The following TENM4 variants were observed in gnomAD, a reference collection of about 807,000 sequenced individuals.
TENM4 encodes the protein teneurin-4.
In TENM4, 82 loss-of-function variants were observed where a neutral mutation model predicts 243.3. The ratio of observed to expected loss-of-function variants is 0.34; its 90% CI spans 0.28 to 0.40. The LOEUF (loss-of-function observed/expected upper bound fraction) is 0.40, where lower values mean the gene tolerates loss of function less well. TENM4 is among the 10% of genes least tolerant of loss of function. TENM4 has a pLI of 1.00. For missense variants in TENM4, 3,138 were observed against 3,673.3 expected, an observed-to-expected ratio of 0.85 and a Z score of 3.77; for synonymous variants, 1,412 against 1,456.3, an observed-to-expected ratio of 0.97 and a Z score of 0.69.
chr11:78,844,695 C>T (rs1446904902), intron 12 of TENM4, among the ~76,000 whole-genome samples: 4 of 151,722 alleles, frequency 2.6e-5, no homozygotes, highest in Non-Finnish European at 4.4e-5. Context: ...CATATATACA[C>T]AGAGAAAAGC....
At chr11:79,164,025 G>GTA (rs1466473135) in intron 3 of TENM4, among the ~76,000 whole-genome samples, 29 of 18,026 alleles carry the variant, frequency 1.6e-3, no homozygotes, top group Non-Finnish European at 2.9e-3. Context: ...TATATAGTAT[G>GTA]TATATAGTAT....
At chr11:78,971,293 T>TTTTG (rs564084356) in intron 6 of TENM4, among the ~76,000 whole-genome samples, 40 of 152,150 alleles carry the variant, frequency 2.6e-4, no homozygotes, top group South Asian at 2.3e-3. Context: ...TAAATAAGAT[T>TTTTG]TTTGTTTGTT....
At chr11:79,119,343 T>C (rs895371580) in intron 4 of TENM4, among the ~76,000 whole-genome samples, 3 of 150,876 alleles carry the variant, frequency 2.0e-5, no homozygotes, top group Admixed American at 2.0e-4. Context: ...GGTTTGATAA[T>C]CATTATTATT....
intron 3 of TENM4, among the ~76,000 whole-genome samples, chr11:79,151,002 T>C (rs1225506031): frequency 6.6e-6 from 1 of 152,186 alleles, no homozygotes; most frequent in Non-Finnish European, 1.5e-5. Flanking sequence ...ATCACTCAGC[T>C]ACTATGTGGC....
At chr11:78,969,370 A>C (rs1369014199) in intron 6 of TENM4, among the ~76,000 whole-genome samples, 2 of 152,246 alleles carry the variant, frequency 1.3e-5, no homozygotes, top group Non-Finnish European at 2.9e-5. Context: ...CCTTGTGTGA[A>C]TCGGTGATGG....
chr11:79,188,022 A>C (rs1863409723), intron 3 of TENM4, among the ~76,000 whole-genome samples: 1 of 152,234 alleles, frequency 6.6e-6, no homozygotes, highest in African/African-American at 2.4e-5. Flanking sequence ...CTTGGGAGGG[A>C]GAAAAACTCA....
intron 4 of TENM4, among the ~76,000 whole-genome samples, chr11:79,110,960 C>T (rs1237543267): frequency 6.6e-6 from 1 of 152,138 alleles, no homozygotes; most frequent in Non-Finnish European, 1.5e-5. Flanking sequence ...CTGGAACCTC[C>T]TTGATATGGT....
chr11:79,427,573 A>G (rs1332098023), intron 1 of TENM4, among the ~76,000 whole-genome samples: 1 of 152,208 alleles, frequency 6.6e-6, no homozygotes, highest in East Asian at 1.9e-4. Flanking sequence ...AATACTGGAA[A>G]GAAAATCAAA....
chr11:78,992,164 G>A (rs530034776), intron 6 of TENM4, among the ~76,000 whole-genome samples: 7 of 152,224 alleles, frequency 4.6e-5, no homozygotes, highest in Non-Finnish European at 1.0e-4. Context: ...GCACCTGCTG[G>A]TGCACAGCAA....
rs755759838 is a variant in TENM4, at chr11:78,856,188, T to C, written c.1256-10A>G. 3.9e-6 allele frequency: 6 copies of C among 1,549,844 alleles called. No individual in the cohort carries two copies. Among genetic ancestry groups the C allele is most frequent in the South Asian group, 3.6e-5 (3 of 83,982 alleles). Reference sequence around the variant, plus strand: ...AAACTACTGGGCTTTCCTACCAAGATAGAGGGAAGGGAAGACAAAGACATC... The same window carrying C: ...AAACTACTGGGCTTTCCTACCAAGACAGAGGGAAGGGAAGACAAAGACATC... On this transcript the variant is annotated splice_polypyrimidine_tract_variant and intron_variant, in intron 10 of 33. Coordinates refer to ENST00000278550, the MANE Select transcript of TENM4 (RefSeq NM_001098816.3).
At chr11:78,985,859 C>G (rs1409709124) in intron 6 of TENM4, among the ~76,000 whole-genome samples, 1 of 152,164 alleles carries the variant, frequency 6.6e-6, no homozygotes, top group African/African-American at 2.4e-5. Context: ...TCAGCTTTGC[C>G]CAGGCTCCCC....
At chr11:79,371,103 TATGTGTGCACCCA>T (rs777230041) in intron 1 of TENM4, among the ~76,000 whole-genome samples, 1 of 152,170 alleles carries the variant, frequency 6.6e-6, no homozygotes, top group Non-Finnish European at 1.5e-5. Context: ...AACAATAAGC[TATGTGTGCACCCA>T]GCAGATTGGC....
intron 1 of TENM4, among the ~76,000 whole-genome samples, chr11:79,351,113 G>A (rs891448486): frequency 5.9e-5 from 9 of 152,094 alleles, no homozygotes; most frequent in Admixed American, 3.3e-4. Flanking sequence ...TGCTTTTCCC[G>A]CAGGTATTTT....
intron 6 of TENM4, among the ~76,000 whole-genome samples, chr11:79,016,538 C>G (rs879333925): frequency 2.6e-5 from 4 of 151,988 alleles, no homozygotes; most frequent in African/African-American, 4.8e-5. Flanking sequence ...GAGATATCAA[C>G]AAATGGTTGG....
At chr11:79,195,039 A>T (rs945639953) in intron 3 of TENM4, among the ~76,000 whole-genome samples, 4 of 152,218 alleles carry the variant, frequency 2.6e-5, no homozygotes, top group Non-Finnish European at 5.9e-5. Flanking sequence ...AAAGGGGCCA[A>T]CATAGAGTTC....
chr11:79,295,485 G>A (rs1207094010), intron 2 of TENM4, among the ~76,000 whole-genome samples: 1 of 152,174 alleles, frequency 6.6e-6, no homozygotes, highest in Non-Finnish European at 1.5e-5. Flanking sequence ...AGCTCAAAGT[G>A]CTTCCTAAAC....
chr11:78,864,500 T>C (rs529758104), intron 9 of TENM4, among the ~76,000 whole-genome samples: 2 of 150,820 alleles, frequency 1.3e-5, no homozygotes, highest in Non-Finnish European at 2.9e-5. Flanking sequence ...TAAAAAGTCT[T>C]GTACGACAAT....
At chr11:79,416,522 C>G (rs1268935191) in intron 1 of TENM4, among the ~76,000 whole-genome samples, 2 of 152,128 alleles carry the variant, frequency 1.3e-5, no homozygotes, top group Non-Finnish European at 2.9e-5. Context: ...AACTCTTCAG[C>G]TATAACATAA....
intron 4 of TENM4, among the ~76,000 whole-genome samples, chr11:79,145,775 T>C (rs1862385455): frequency 6.6e-6 from 1 of 152,142 alleles, no homozygotes; most frequent in African/African-American, 2.4e-5. Flanking sequence ...TTGTTTCACA[T>C]CTTTGCCAAC....
Sources: allele counts gnomAD v4.1 joint callset (sites outside exome capture counted in the v4.1 genomes callset), GRCh38; gene constraint gnomAD v4.1.1; transcripts MANE v1.5; gene names NCBI Gene and HGNC (gene_info 2026-07-23, HGNC 2026-07-21).